CHCHD6: variants seen among roughly 807,000 people sequenced by gnomAD.
CHCHD6 encodes coiled-coil-helix-coiled-coil-helix domain containing 6.
A neutral mutation model predicts 32.3 loss-of-function variants in CHCHD6; 28 were observed. That is an observed-to-expected ratio of 0.87 (90% CI 0.64 to 1.19). CHCHD6 has a LOEUF of 1.19. Ranked by LOEUF, CHCHD6 falls within the 50% of genes most tolerant of loss-of-function variation. CHCHD6 has a pLI of 0.00. For missense variants in CHCHD6, 333 were observed against 307.0 expected, an observed-to-expected ratio of 1.08 and a Z score of -0.63; for synonymous variants, 122 against 117.5, an observed-to-expected ratio of 1.04 and a Z score of -0.25.
At position 126,727,126 on chromosome 3, in the gene CHCHD6, C is replaced by T. The variant is rs200475603; in HGVS notation, c.136C>T (p.Pro46Ser). 6.2e-7 allele frequency: 1 copy of T among 1,614,162 alleles called. No homozygotes were observed. The highest frequency in any genetic ancestry group is 1.6e-4 in the Middle Eastern group (1 of 6,062). The change falls in exon 2 of 8, where the codon CCT becomes TCT. Residue 46 changes from proline to serine, a missense_variant. Coordinates refer to ENST00000290913, the MANE Select transcript of CHCHD6 (RefSeq NM_032343.3). ...NRMKEPSSPP[P>S]APTSSTFGLQ... ...CATGAAGGAGCCCAGCTCTCCACCCCCTGCTCCCACATCTTCTACCTTTGG... is the reference window on the plus strand; with the variant it reads ...CATGAAGGAGCCCAGCTCTCCACCCTCTGCTCCCACATCTTCTACCTTTGG...
At chr3:126,859,180 G>A (rs576578680) in intron 5 of CHCHD6, among the ~76,000 whole-genome samples, 4 of 152,292 alleles carry the variant, frequency 2.6e-5, no homozygotes, top group South Asian at 2.1e-4. Flanking sequence ...AAACAGTGAC[G>A]CAGCGGGGTT....
At chr3:126,861,002 T>C (rs1941838754) in intron 5 of CHCHD6, among the ~76,000 whole-genome samples, 1 of 152,146 alleles carries the variant, frequency 6.6e-6, no homozygotes, top group South Asian at 2.1e-4. Flanking sequence ...CTTTACCACT[T>C]ACTGGCCTTA....
rs545713015 is a variant in CHCHD6, at chr3:126,863,271, C to T, written c.495+10541C>T. Among the ~76,000 whole-genome samples, 10 of 145,454 alleles carry T rather than the reference C, an allele frequency of 6.9e-5. No homozygotes were observed. The East Asian group carries it at 1.5e-3, about 22-fold the overall frequency. On this transcript the variant is annotated intron_variant, in intron 5 of 7. Coordinates refer to ENST00000290913, the MANE Select transcript of CHCHD6 (RefSeq NM_032343.3). ...CCACCTCCTCCTCCACCATCACAACCGCCTCCTCCACCATCATCACCACCT... is the reference window on the plus strand; with the variant it reads ...CCACCTCCTCCTCCACCATCACAACTGCCTCCTCCACCATCATCACCACCT...
chr3:126,756,459 T>C (rs1166196382), intron 4 of CHCHD6, among the ~76,000 whole-genome samples: 2 of 152,174 alleles, frequency 1.3e-5, no homozygotes, highest in African/African-American at 4.8e-5. Flanking sequence ...TTTTCCATTC[T>C]GATGTACATG....
chr3:126,730,524 TGCCACTGACAGGC>T, intron 2 of CHCHD6, 24 bp from the exon 3 acceptor site: 5 of 1,583,572 alleles, frequency 3.2e-6, no homozygotes, highest in Non-Finnish European at 4.3e-6. Context: ...GACCCTGGGG[TGCCACTGACAGGC>T]CCTTTCTTCT....
chr3:126,767,338 G>T lies in CHCHD6; in HGVS notation c.411+34116G>T, dbSNP rs147575962. ...CGGAGCCCATTTCCATCAAGGCCAA[G>T]GTGTAGTTCTGCCCACATGCTGCAG... is the stretch of plus-strand genomic sequence containing the variant. On this transcript the variant is annotated intron_variant, in intron 4 of 7. Coordinates refer to ENST00000290913, the MANE Select transcript of CHCHD6 (RefSeq NM_032343.3). The T allele has an allele frequency of 5.1e-4, 462 of 902,136 alleles. 1 individual carries two copies. In the African/African-American group the frequency reaches 6.5e-3, roughly 13 times the overall value. 55.9% of individuals were successfully genotyped at this position (902,136 alleles called of 1,614,324 possible).
chr3:126,821,917 A>G lies in CHCHD6; in HGVS notation c.412-30730A>G, dbSNP rs566614505. 1.4e-3 allele frequency among the ~76,000 whole-genome samples: 217 copies of G among 152,268 alleles called. 2 individuals carry two copies. Among genetic ancestry groups the G allele is most frequent in the Middle Eastern group, 0.01 (3 of 294 alleles). On this transcript the variant is annotated intron_variant, in intron 4 of 7. Coordinates refer to ENST00000290913, the MANE Select transcript of CHCHD6 (RefSeq NM_032343.3). ...AATTCCTTTGCCCATATTAGTTTAT[A>G]TGTCTTTTTATTTCTGAGTTGGAGA...
chr3:126,923,965 G>A (rs1559925198), intron 6 of CHCHD6, among the ~76,000 whole-genome samples: 1 of 152,186 alleles, frequency 6.6e-6, no homozygotes, highest in Non-Finnish European at 1.5e-5. Flanking sequence ...TTTTGGGGAT[G>A]TATCCCAGAG....
In CHCHD6 at chr3:126,945,473, C is replaced by T. The variant is rs1406966193; in HGVS notation, c.567-11943C>T. ...GGGGAGACTTGGGAGCGGGGAAAGT[C>T]GGGAACAGGGAGACTCTAGGTGGGA... On this transcript the variant is annotated intron_variant, in intron 6 of 7. Transcript: ENST00000290913. Among the ~76,000 whole-genome samples the T allele has an allele frequency of 2.9e-5, 4 of 137,992 alleles. No homozygotes were observed. The East Asian group carries it at 8.9e-4, about 31-fold the overall frequency. The allele number at this position is 137,992 out of a possible 152,430, so 90.5% of individuals were successfully genotyped here.
chr3:126,872,467 G>A (rs1194841089), intron 5 of CHCHD6, among the ~76,000 whole-genome samples: 2 of 152,170 alleles, frequency 1.3e-5, no homozygotes, highest in Non-Finnish European at 2.9e-5. Flanking sequence ...TTCCACCGCA[G>A]AGTCCTAGTC....
intron 5 of CHCHD6, among the ~76,000 whole-genome samples, chr3:126,897,060 G>A (rs978419979): frequency 2.0e-5 from 3 of 152,186 alleles, no homozygotes; most frequent in African/African-American, 7.2e-5. Flanking sequence ...AGTTGGATGG[G>A]AGCTGAAGGG....
At chr3:126,872,791 C>T (rs527559435) in intron 5 of CHCHD6, among the ~76,000 whole-genome samples, 7 of 152,316 alleles carry the variant, frequency 4.6e-5, no homozygotes, top group African/African-American at 7.2e-5. Context: ...GTTCTCCAGG[C>T]GAGTAACAGT....
intron 5 of CHCHD6, among the ~76,000 whole-genome samples, chr3:126,871,205 A>G (rs1347115856): frequency 6.6e-6 from 1 of 152,042 alleles, no homozygotes; most frequent in Non-Finnish European, 1.5e-5. Flanking sequence ...TTAACTGAAC[A>G]CCTTTCACCC....
intron 4 of CHCHD6, among the ~76,000 whole-genome samples, chr3:126,803,291 C>G (rs560186690): frequency 1.3e-5 from 2 of 152,228 alleles, no homozygotes; most frequent in East Asian, 3.9e-4. Flanking sequence ...AGAGTCAAGA[C>G]CCATTGGTGT....
At chr3:126,740,615 A>C (rs994114876) in intron 4 of CHCHD6, among the ~76,000 whole-genome samples, 1 of 152,154 alleles carries the variant, frequency 6.6e-6, no homozygotes, top group Non-Finnish European at 1.5e-5. Context: ...GCAGGGGTCC[A>C]CACACTGGGT....
intron 6 of CHCHD6, among the ~76,000 whole-genome samples, chr3:126,940,682 A>G (rs191778625): frequency 6.6e-6 from 1 of 152,314 alleles, no homozygotes; most frequent in East Asian, 1.9e-4. Context: ...AACGCTAGAG[A>G]GTGTTCCATT....
At chr3:126,777,835 A>C (rs1937722581) in intron 4 of CHCHD6, among the ~76,000 whole-genome samples, 1 of 152,352 alleles carries the variant, frequency 6.6e-6, no homozygotes, top group Admixed American at 6.5e-5. Context: ...TATTTTTAGT[A>C]TATTCATAGA....
At chr3:126,729,982 C>T (rs541243567) in intron 2 of CHCHD6, among the ~76,000 whole-genome samples, 3 of 151,982 alleles carry the variant, frequency 2.0e-5, no homozygotes, top group Admixed American at 6.6e-5. Context: ...TCAGAAATCC[C>T]GAAATTCGTG....
rs1285084266 is a variant in CHCHD6 at position 126,957,456 on chromosome 3, C to T, written c.607C>T (p.Gln203Ter). 1 of 1,611,186 alleles carries T rather than the reference C, an allele frequency of 6.2e-7. No individual in the cohort carries two copies. Among genetic ancestry groups the T allele is most frequent in the Non-Finnish European group, 8.5e-7 (1 of 1,179,110 alleles). The change falls in exon 7 of 8, where the codon CAG (glutamine) becomes TAG (stop). Residue 203 changes from glutamine to a stop codon, truncating the protein, a stop_gained. Transcript: ENST00000290913. LOFTEE classifies it high-confidence loss of function. ...VEPVCSGLQAQILHCYRDRPH... is the reference protein window; with the variant it reads ...VEPVCSGLQA ...GCCCGTCTGCTCAGGGTTGCAGGCC[C>T]AGATTCTCCACTGCTACCGAGATCG...
Sources: gnomAD v4.1 joint callset for allele counts (sites outside exome capture counted in the v4.1 genomes callset) on GRCh38, gnomAD v4.1.1 for gene constraint, MANE v1.5 for transcripts, NCBI Gene and HGNC (gene_info 2026-07-23, HGNC 2026-07-21) for gene names.